The following SLC15A1 variants were observed in gnomAD, a reference collection of about 807,000 sequenced individuals.
The protein encoded by SLC15A1 is solute carrier family 15 member 1.
A neutral mutation model predicts 92.9 loss-of-function variants in SLC15A1; 83 were observed. That is an observed-to-expected ratio of 0.89 (90% CI 0.75 to 1.07). The LOEUF is 1.07. Among genes scored for constraint, SLC15A1 ranks in the 50% least tolerant of loss-of-function variants. SLC15A1 has a pLI of 0.00. For missense variants in SLC15A1, 857 were observed against 880.1 expected, an observed-to-expected ratio of 0.97 and a Z score of 0.33; for synonymous variants, 322 against 318.2, an observed-to-expected ratio of 1.01 and a Z score of -0.13.
chr13:98,707,377 A>C (rs1050622874), intron 15 of SLC15A1, among the ~76,000 whole-genome samples: 2 of 152,192 alleles, frequency 1.3e-5, no homozygotes, highest in Non-Finnish European at 2.9e-5. Context: ...ACAATATACT[A>C]AGTGAAATTA....
intron 18 of SLC15A1, among the ~76,000 whole-genome samples, chr13:98,695,457 A>G (rs1430163549): frequency 6.6e-6 from 1 of 152,004 alleles, no homozygotes; most frequent in African/African-American, 2.4e-5. Flanking sequence ...CAATGGTGCA[A>G]TCTTGGCTCA....
Position 98,702,527 on chromosome 13 carries a change from T to C in SLC15A1, c.1419A>G (p.Val473=). ...CTGGCTTCTGGTTAAGACCATCCTT[T>C]ACCTGAGAGAGAAAACAGTAATGTA... The part of the protein sequence containing the change: ...LVWAPNHYQV[V]KDGLNQKPEK... Residue 473 remains valine, a splice_region_variant and synonymous_variant, in exon 18 of 23, where the codon GTA becomes GTG. Coordinates refer to ENST00000376503, the MANE Select transcript of SLC15A1 (RefSeq NM_005073.4). 6.2e-7 allele frequency: 1 copy of C among 1,600,760 alleles called. No individual in the cohort carries two copies. The highest frequency in any genetic ancestry group is 2.2e-5 in the East Asian group (1 of 44,780).
intron 7 of SLC15A1, among the ~76,000 whole-genome samples, chr13:98,719,997 G>A (rs2088243150): frequency 6.6e-6 from 1 of 151,988 alleles, no homozygotes; most frequent in Non-Finnish European, 1.5e-5. Context: ...TTAAAAGTAA[G>A]CCTTTGTAAG....
At chr13:98,747,198 T>A (rs1048981607) in intron 1 of SLC15A1, among the ~76,000 whole-genome samples, 1 of 152,184 alleles carries the variant, frequency 6.6e-6, no homozygotes, top group Non-Finnish European at 1.5e-5. Flanking sequence ...GAGTCAACCG[T>A]GCTCGCTCAG....
intron 18 of SLC15A1, among the ~76,000 whole-genome samples, chr13:98,692,070 T>C (rs1384894895): frequency 3.6e-5 from 5 of 140,030 alleles, no homozygotes; most frequent in Non-Finnish European, 7.7e-5. Context: ...CGAAACTCCA[T>C]CTCAAAAAGA....
intron 1 of SLC15A1, among the ~76,000 whole-genome samples, chr13:98,739,652 G>A (rs1311634931): frequency 6.6e-6 from 1 of 152,086 alleles, no homozygotes; most frequent in Non-Finnish European, 1.5e-5. Context: ...CCAGAAGTGA[G>A]CAGATGCCAG....
intron 1 of SLC15A1, among the ~76,000 whole-genome samples, chr13:98,745,660 G>A (rs1166548805): frequency 2.6e-5 from 4 of 152,106 alleles, no homozygotes; most frequent in South Asian, 2.1e-4. Context: ...GGCCTGGATC[G>A]GCTTCACCCC....
chr13:98,711,733 T>C, intron 11 of SLC15A1, 121 bp downstream of exon 11: 1 of 655,528 alleles, frequency 1.5e-6, no homozygotes, highest in Non-Finnish European at 2.7e-6. Context: ...ACAAGTGAAA[T>C]ATAAATAAGA....
At position 98,684,545 on chromosome 13, in the gene SLC15A1, CAAAAA is replaced by C. The variant is rs4646233; in HGVS notation, c.*174_*178del. On this transcript the variant is annotated 3_prime_UTR_variant, in exon 23 of 23. Transcript: ENST00000376503. ...GGACAACAAGAGCAAAACTCTGTCT[CAAAAA>C]AAAAAAAAAAAAAAAAAAGAAAAGA... 0.011 allele frequency: 2,026 copies of C among 192,246 alleles called. No individual in the cohort carries two copies. Among genetic ancestry groups the C allele is most frequent in the East Asian group, 0.024 (329 of 13,450 alleles). The allele number at this position is 192,246 out of a possible 1,614,324, so 11.9% of individuals were successfully genotyped here.
chr13:98,726,445 A>G lies in SLC15A1; in HGVS notation c.26T>C (p.Phe9Ser). ...GAAGATGCTCAGGGGATAACCAAAG[A>G]AACTCTGACAAAAAAGAAACAAGCA... MGMSKSHSFFGYPLSIFFI... is the reference protein window; with the variant it reads MGMSKSHSSFGYPLSIFFI... The change falls in exon 3 of 23, where the codon TTC becomes TCC. Residue 9 changes from phenylalanine (F) to serine (S), a missense_variant. Phe to Ser is a radical substitution (Grantham distance 155). Coordinates refer to ENST00000376503, the MANE Select transcript of SLC15A1 (RefSeq NM_005073.4). The G allele has an allele frequency of 6.2e-7, 1 of 1,613,764 alleles. No homozygotes were observed. Among genetic ancestry groups the G allele is most frequent in the South Asian group, 1.1e-5 (1 of 91,006 alleles).
At chr13:98,690,631 T>C (rs922353983) in intron 18 of SLC15A1, among the ~76,000 whole-genome samples, 1 of 152,106 alleles carries the variant, frequency 6.6e-6, no homozygotes, top group East Asian at 1.9e-4. Context: ...TCCGAGTAAC[T>C]TAATGATGGG....
At chr13:98,707,265 G>A (rs1321839556) in intron 15 of SLC15A1, among the ~76,000 whole-genome samples, 1 of 152,218 alleles carries the variant, frequency 6.6e-6, no homozygotes, top group Non-Finnish European at 1.5e-5. Flanking sequence ...CCTGTCGGGG[G>A]TGAATGGATG....
intron 1 of SLC15A1, among the ~76,000 whole-genome samples, chr13:98,740,088 C>A (rs780652685): frequency 1.3e-5 from 2 of 152,316 alleles, no homozygotes; most frequent in East Asian, 1.9e-4. Flanking sequence ...CAGAGCAAAG[C>A]GGTCTTCTCA....
intron 9 of SLC15A1, among the ~76,000 whole-genome samples, chr13:98,715,270 G>C (rs2088203916): frequency 6.6e-6 from 1 of 152,120 alleles, no homozygotes; most frequent in Admixed American, 6.5e-5. Context: ...TGCCTCCCAG[G>C]TTCAAGCAAT....
chr13:98,727,514 G>A (rs2088312162), intron 1 of SLC15A1, among the ~76,000 whole-genome samples: 1 of 152,186 alleles, frequency 6.6e-6, no homozygotes, highest in South Asian at 2.1e-4. Flanking sequence ...ACCACTGGTA[G>A]GGGGTTATGT....
intron 1 of SLC15A1, among the ~76,000 whole-genome samples, chr13:98,731,777 C>CT (rs199555346): frequency 0.012 from 1,797 of 152,268 alleles, 23 homozygotes; most frequent in South Asian, 0.035. Flanking sequence ...TTTTTCTCTA[C>CT]TCCAACCCAC....
chr13:98,699,715 T>A (rs1419278746), intron 18 of SLC15A1, among the ~76,000 whole-genome samples: 1 of 152,186 alleles, frequency 6.6e-6, no homozygotes. Context: ...GGCTACAGCA[T>A]CTTGTCCTCC....
intron 18 of SLC15A1, among the ~76,000 whole-genome samples, chr13:98,699,609 T>G (rs2088051560): frequency 6.6e-6 from 1 of 152,224 alleles, no homozygotes; most frequent in Non-Finnish European, 1.5e-5. Flanking sequence ...GAACACAAGT[T>G]TCCAGTTCTC....
At chr13:98,702,253 T>C (rs938178289) in intron 18 of SLC15A1, among the ~76,000 whole-genome samples, 12 of 152,228 alleles carry the variant, frequency 7.9e-5, no homozygotes, top group African/African-American at 2.7e-4. Context: ...TTTTATCAAA[T>C]GCTTTTTTTA....
Sources: allele counts gnomAD v4.1 joint callset (sites outside exome capture counted in the v4.1 genomes callset), GRCh38; gene constraint gnomAD v4.1.1; transcripts MANE v1.5; gene names NCBI Gene and HGNC (gene_info 2026-07-23, HGNC 2026-07-21).